DPH6: variants seen among roughly 807,000 people sequenced by gnomAD.
DPH6 encodes diphthine--ammonia ligase.
A neutral mutation model predicts 38.2 loss-of-function variants in DPH6; 33 were observed. The observed-to-expected ratio is 0.86, with a 90% CI of 0.65 to 1.15. The LOEUF is 1.15. DPH6 is among the 50% of genes most tolerant of loss of function. DPH6 has a pLI of 0.00. For synonymous variants in DPH6, 108 were observed against 103.0 expected, an observed-to-expected ratio of 1.05 and a Z score of -0.30; for missense variants, 325 against 320.0, an observed-to-expected ratio of 1.02 and a Z score of -0.12.
chr15:35,489,888 T>C, intron 3 of DPH6: 1 of 966,478 alleles, frequency 1.0e-6, no homozygotes, highest in Non-Finnish European at 1.2e-6. Context: ...GTTTTATACA[T>C]TTTTCTGTAC....
At chr15:35,403,167 G>A (rs2053244490) in intron 6 of DPH6, among the ~76,000 whole-genome samples, 1 of 152,060 alleles carries the variant, frequency 6.6e-6, no homozygotes, top group Non-Finnish European at 1.5e-5. Context: ...TAAATCATGA[G>A]GGAATATACC....
chr15:35,369,020 T>C (rs1370104579), downstream of DPH6, among the ~76,000 whole-genome samples: 1 of 151,684 alleles, frequency 6.6e-6, no homozygotes, highest in African/African-American at 2.4e-5. Flanking sequence ...TTGCAGCATA[T>C]GTGCATGTTG....
intron 3 of DPH6, among the ~76,000 whole-genome samples, chr15:35,284,903 C>A (rs1258197266): frequency 2.8e-5 from 4 of 143,112 alleles, no homozygotes; most frequent in Non-Finnish European, 4.5e-5. Context: ...GCCTTGAACT[C>A]CTGGGCTCAA....
intron 3 of DPH6, chr15:35,522,229 T>G (rs748743563): frequency 6.2e-7 from 1 of 1,613,220 alleles, no homozygotes; most frequent in South Asian, 1.1e-5. Context: ...GTGAAAATCT[T>G]GGAGATTCAG....
intron 5 of DPH6, 117 bp downstream of exon 5, chr15:35,450,568 G>A: frequency 1.2e-6 from 1 of 839,064 alleles, no homozygotes; most frequent in Non-Finnish European, 1.9e-6. Flanking sequence ...TTCTTCAGCT[G>A]TGACTCCACA....
chr15:35,421,260 A>G (rs1255326641), intron 5 of DPH6, among the ~76,000 whole-genome samples: 1 of 152,200 alleles, frequency 6.6e-6, no homozygotes, highest in South Asian at 2.1e-4. Flanking sequence ...GAAAACTAAC[A>G]TTGAAGAAGA....
intron 7 of DPH6, among the ~76,000 whole-genome samples, chr15:35,377,798 T>G (rs2052801328): frequency 6.6e-6 from 1 of 152,132 alleles, no homozygotes; most frequent in African/African-American, 2.4e-5. Flanking sequence ...TTTAAAATGT[T>G]AATTGGAATT....
chr15:35,190,425 A>C, the DPH6 span, among the ~76,000 whole-genome samples: 2 of 152,118 alleles, frequency 1.3e-5, no homozygotes. Context: ...CAGAGATGAG[A>C]TCATAGGGAG....
chr15:35,393,978 T>C (rs2053094534), intron 6 of DPH6, among the ~76,000 whole-genome samples: 1 of 152,236 alleles, frequency 6.6e-6, no homozygotes, highest in African/African-American at 2.4e-5. Context: ...TTCCAATTTA[T>C]GTGGCATATA....
chr15:35,154,645 G>C, the DPH6 span, among the ~76,000 whole-genome samples: 2 of 152,140 alleles, frequency 1.3e-5, no homozygotes, highest in Non-Finnish European at 2.9e-5. Context: ...GAAACCATGG[G>C]TACCTTTTAA....
chr15:35,180,392 AAC>A, the DPH6 span, among the ~76,000 whole-genome samples: 6,466 of 140,352 alleles, frequency 0.046, 195 homozygotes, highest in African/African-American at 0.083. Flanking sequence ...TTGGTTTTAA[AAC>A]ACACACACAC....
chr15:35,301,810 C>CA lies in DPH6; in HGVS notation n.200+71710dup, dbSNP rs1566863674. Among the ~76,000 whole-genome samples, 4 of 151,902 alleles carry CA rather than the reference C, an allele frequency of 2.6e-5. No homozygotes were observed. The South Asian group carries it at 6.2e-4, about 24-fold the overall frequency. ...TAACATGGTAAAACCCCATCTCTAC[C>CA]AAAAATATAAAAAATTAGCTGGGTG... On this transcript the variant is annotated intron_variant and non_coding_transcript_variant, in intron 3 of 3. Coordinates refer to the DPH6 transcript ENST00000560386.
intron 3 of DPH6, among the ~76,000 whole-genome samples, chr15:35,514,691 G>A (rs1013053789): frequency 6.6e-6 from 1 of 152,130 alleles, no homozygotes; most frequent in African/African-American, 2.4e-5. Context: ...CTCTATTGGG[G>A]AAGACCAGGG....
the DPH6 span, chr15:35,181,878 C>T: frequency 6.6e-6 from 1 of 152,092 alleles, no homozygotes; most frequent in African/African-American, 2.4e-5. Context: ...AGCAGTAGCT[C>T]ATTAGCAGTG....
At chr15:35,341,053 T>C (rs1285070560) in intron 3 of DPH6, among the ~76,000 whole-genome samples, 1 of 152,226 alleles carries the variant, frequency 6.6e-6, no homozygotes, top group Non-Finnish European at 1.5e-5. Context: ...TCCATAATTC[T>C]TGGAGGTTTT....
At chr15:35,515,570 A>C (rs948961499) in intron 3 of DPH6, among the ~76,000 whole-genome samples, 3 of 151,850 alleles carry the variant, frequency 2.0e-5, no homozygotes, top group African/African-American at 7.3e-5. Flanking sequence ...AAATATAAAA[A>C]ATTAGCCGGG....
At chr15:35,542,372 T>C in intron 2 of DPH6, 41 bp downstream of exon 2, 1 of 1,470,556 alleles carries the variant, frequency 6.8e-7, no homozygotes, top group Non-Finnish European at 9.4e-7. Context: ...AGTTGGAATT[T>C]CATTCATTTA....
intron 3 of DPH6, among the ~76,000 whole-genome samples, chr15:35,468,858 C>T (rs1566921531): frequency 6.6e-6 from 1 of 151,936 alleles, no homozygotes; most frequent in African/African-American, 2.4e-5. Context: ...AACAGGTGTT[C>T]GGAGTTCAAG....
intron 3 of DPH6, among the ~76,000 whole-genome samples, chr15:35,339,897 C>A (rs1240503225): frequency 6.6e-6 from 1 of 152,060 alleles, no homozygotes; most frequent in Non-Finnish European, 1.5e-5. Context: ...CTATCAAGTC[C>A]ACTTAGTCCA....
Sources: allele counts gnomAD v4.1 joint callset (sites outside exome capture counted in the v4.1 genomes callset), GRCh38; gene constraint gnomAD v4.1.1; transcripts MANE v1.5; gene names NCBI Gene and HGNC (gene_info 2026-07-23, HGNC 2026-07-21).